The following MYO6 variants were observed in gnomAD, a reference collection of about 807,000 sequenced individuals.
The protein encoded by MYO6 is unconventional myosin-VI.
In MYO6, 74 loss-of-function variants were observed where a neutral mutation model predicts 178.7. The observed-to-expected ratio is 0.41, with a 90% CI of 0.34 to 0.50. The LOEUF is 0.50. MYO6 is among the 20% of genes least tolerant of loss of function. MYO6 has a pLI of 0.09. For missense variants in MYO6, 1,330 were observed against 1,547.4 expected (o/e 0.86, Z 2.36); for synonymous variants, 477 against 504.6 (o/e 0.95, Z 0.73).
At chr6:75,894,617 G>A (rs1251078733) in intron 28 of MYO6, among the ~76,000 whole-genome samples, 1 of 152,130 alleles carries the variant, frequency 6.6e-6, no homozygotes, top group Admixed American at 6.5e-5. Context: ...TACTCCATGG[G>A]CTATAGCTAA....
intron 1 of MYO6, among the ~76,000 whole-genome samples, chr6:75,770,599 C>T (rs1332643479): frequency 2.0e-5 from 3 of 152,156 alleles, no homozygotes; most frequent in Non-Finnish European, 4.4e-5. Flanking sequence ...GCCTCAGCCT[C>T]CTGAGTAGCC....
At chr6:75,913,773 C>G (rs1340122104) in intron 33 of MYO6, among the ~76,000 whole-genome samples, 3 of 151,968 alleles carry the variant, frequency 2.0e-5, no homozygotes, top group African/African-American at 4.8e-5. Flanking sequence ...GTTACTGTTA[C>G]AGTGATTTGT....
At chr6:75,834,584 C>T (rs1217186852) in intron 6 of MYO6, among the ~76,000 whole-genome samples, 1 of 152,076 alleles carries the variant, frequency 6.6e-6, no homozygotes, top group African/African-American at 2.4e-5. Flanking sequence ...AATCATAACA[C>T]TCATTGTAGT....
chr6:75,828,359 T>G (rs933622319), intron 3 of MYO6, among the ~76,000 whole-genome samples, 181 bp from the exon 4 acceptor site: 3 of 152,206 alleles, frequency 2.0e-5, no homozygotes, highest in Non-Finnish European at 4.4e-5. Flanking sequence ...ACATGTAAAC[T>G]GAATCGCTTT....
At position 75,765,778 on chromosome 6, in the gene MYO6, A is replaced by G. The variant is rs1162895045; in HGVS notation, c.-48+16355A>G. Reference sequence around the variant, plus strand: ...CTCAGTGATTTATGCCAGTAATGCAACACTTTGGGAGGTTGAGGTGGGAGG... The same window carrying G: ...CTCAGTGATTTATGCCAGTAATGCAGCACTTTGGGAGGTTGAGGTGGGAGG... On this transcript the variant is annotated intron_variant, in intron 1 of 34. Transcript: ENST00000369977. Among the ~76,000 whole-genome samples, 3 of 152,060 alleles carry G rather than the reference A, an allele frequency of 2.0e-5. No individual in the cohort carries two copies. In the East Asian group the frequency reaches 5.8e-4, roughly 29 times the overall value.
chr6:75,894,818 GA>G, intron 28 of MYO6: 1 of 1,518,634 alleles, frequency 6.6e-7, no homozygotes, highest in Non-Finnish European at 8.9e-7. Flanking sequence ...TTCCAGCTTG[GA>G]TTCCTATCCG....
At chr6:75,774,419 C>G (rs1037190212) in intron 1 of MYO6, among the ~76,000 whole-genome samples, 1 of 152,060 alleles carries the variant, frequency 6.6e-6, no homozygotes, top group African/African-American at 2.4e-5. Flanking sequence ...TTGACATGTT[C>G]TTTTCATGCA....
chr6:75,871,164 TAGAA>T (rs1343056070), intron 19 of MYO6, among the ~76,000 whole-genome samples: 1 of 152,186 alleles, frequency 6.6e-6, no homozygotes, highest in African/African-American at 2.4e-5. Flanking sequence ...AAAAACATCA[TAGAA>T]AGAAATTATA....
At chr6:75,897,506 C>T (rs1779398299) in intron 29 of MYO6, among the ~76,000 whole-genome samples, 2 of 152,112 alleles carry the variant, frequency 1.3e-5, no homozygotes, top group African/African-American at 4.8e-5. Flanking sequence ...GTGTTCTACT[C>T]CTTTAGTCAG....
chr6:75,881,637 G>A (rs2149347283), intron 22 of MYO6, 52 bp from the exon 23 acceptor site: 1 of 1,559,214 alleles, frequency 6.4e-7, no homozygotes, highest in South Asian at 1.1e-5. Flanking sequence ...GTCTTTATGT[G>A]TTCAAATGCA....
intron 27 of MYO6, 109 bp downstream of exon 27, chr6:75,891,415 G>A (rs1309147725): frequency 4.5e-6 from 3 of 669,366 alleles, no homozygotes; most frequent in Non-Finnish European, 7.8e-6. Context: ...GGCGGATCAC[G>A]AGGTCAGGAG....
chr6:75,750,383 CT>C (rs1776768212), intron 1 of MYO6, among the ~76,000 whole-genome samples: 1 of 152,020 alleles, frequency 6.6e-6, no homozygotes, highest in African/African-American at 2.4e-5. Flanking sequence ...GCGTGAGCCA[CT>C]GCGCCTGGCC....
At chr6:75,898,259 A>G (rs1408938264) in intron 29 of MYO6, 114 bp from the exon 30 acceptor site, 7 of 683,604 alleles carry the variant, frequency 1.0e-5, no homozygotes, top group Non-Finnish European at 1.7e-5. Context: ...ACAGTTATGA[A>G]CAGTTGTTAA....
In MYO6 at chr6:75,862,612, A is replaced by G; in HGVS notation, c.1563A>G (p.Lys521=). The G allele has an allele frequency of 6.2e-7, 1 of 1,613,710 alleles. No homozygotes were observed. Among genetic ancestry groups the G allele is most frequent in the Non-Finnish European group, 8.5e-7 (1 of 1,179,630 alleles). The stretch of plus-strand genomic sequence containing the variant: ...TTGAAATAGATTTAATTGAAGCCAA[A>G]TTAGTGGGAATACTGGATATTTTGG... ...NQDCIDLIEA[K]LVGILDILDE... The change falls in exon 16 of 35, where the codon AAA becomes AAG. Residue 521 remains lysine, a synonymous_variant. Transcript: ENST00000369977.
chr6:75,870,845 A>G (rs979286156), intron 19 of MYO6, among the ~76,000 whole-genome samples, 160 bp downstream of exon 19: 9 of 152,124 alleles, frequency 5.9e-5, no homozygotes, highest in Admixed American at 5.9e-4. Flanking sequence ...GAAAGGTCAA[A>G]TATATATGTG....
chr6:75,832,801 T>G (rs1177157410), intron 5 of MYO6, 41 bp from the exon 6 acceptor site: 1 of 1,207,522 alleles, frequency 8.3e-7, no homozygotes, highest in Non-Finnish European at 1.2e-6. Context: ...AACTTTATAT[T>G]TAATATATTG....
At chr6:75,847,052 A>G (rs1774793656) in intron 10 of MYO6, among the ~76,000 whole-genome samples, 1 of 152,090 alleles carries the variant, frequency 6.6e-6, no homozygotes, top group South Asian at 2.1e-4. Flanking sequence ...TTTTTAGAAA[A>G]ATGCAGTATT....
chr6:75,778,900 TA>T (rs1374276557), intron 1 of MYO6, among the ~76,000 whole-genome samples: 1 of 150,802 alleles, frequency 6.6e-6, no homozygotes, highest in Non-Finnish European at 1.5e-5. Flanking sequence ...AAAAAACAAA[TA>T]AAAAAATCAG....
rs762207024 is a variant in MYO6, at chr6:75,881,739, G to A, written c.2337G>A (p.Glu779=). Residue 779 remains glutamate, a synonymous_variant, in exon 23 of 35, where the codon GAG becomes GAA. Transcript: ENST00000369977. ...AGTCTGACCCTGACCACTTAGCAGA[G>A]TTGGTTAAAAGAGTCAATCACTGGC... The part of the protein sequence containing the change: ...IMKSDPDHLA[E]LVKRVNHWLT... 1.9e-6 allele frequency: 3 copies of A among 1,613,908 alleles called. No individual in the cohort carries two copies. The highest frequency in any genetic ancestry group is 1.7e-6 in the Non-Finnish European group (2 of 1,179,920).
Sources: gnomAD v4.1 joint callset for allele counts (sites outside exome capture counted in the v4.1 genomes callset) on GRCh38, gnomAD v4.1.1 for gene constraint, MANE v1.5 for transcripts, NCBI Gene and HGNC (gene_info 2026-07-23, HGNC 2026-07-21) for gene names.